ZNF469: variants seen among roughly 807,000 people sequenced by gnomAD.
ZNF469 encodes the protein zinc finger protein 469.
A neutral mutation model predicts 1.0 loss-of-function variants in ZNF469; 1 was observed. The observed-to-expected ratio is 1.00, with a 90% CI of 0.35 to 4.73. The LOEUF (loss-of-function observed/expected upper bound fraction) is 4.73. ZNF469 is among the 30% of genes most tolerant of loss of function. The pLI is 0.16. For synonymous variants in ZNF469, 2,703 were observed against 2,363.4 expected (o/e 1.14, Z -4.17); for missense variants, 6,100 against 5,356.3 (o/e 1.14, Z -4.33).
At chr16:88,136,655 G>A in the ZNF469 span, among the ~76,000 whole-genome samples, 29 of 152,358 alleles carry the variant, frequency 1.9e-4, no homozygotes, top group African/African-American at 7.0e-4. Flanking sequence ...GAGGCCTGGA[G>A]CCTGAACGAT....
chr16:88,256,456 G>A, the ZNF469 span, among the ~76,000 whole-genome samples: 6 of 152,182 alleles, frequency 3.9e-5, no homozygotes, highest in Non-Finnish European at 5.9e-5. Flanking sequence ...TTCACTTATG[G>A]AGGGCTATCT....
the ZNF469 span, among the ~76,000 whole-genome samples, chr16:88,168,766 A>G: frequency 1.3e-5 from 2 of 152,240 alleles, no homozygotes; most frequent in Non-Finnish European, 2.9e-5. The surrounding 1 kb of genome is among the most constrained non-coding windows in gnomAD (Gnocchi z 4.3). Context: ...GGCCTTCTGC[A>G]GAGCAAACTG....
At chr16:88,122,397 C>T in the ZNF469 span, among the ~76,000 whole-genome samples, 332 of 150,394 alleles carry the variant, frequency 2.2e-3, 1 homozygote, top group Non-Finnish European at 3.8e-3. Context: ...GATCACATCC[C>T]GTCACTCACT....
the ZNF469 span, among the ~76,000 whole-genome samples, chr16:88,170,348 T>C: frequency 6.6e-6 from 1 of 152,328 alleles, no homozygotes; most frequent in Non-Finnish European, 1.5e-5. This position sits in a 1 kb window ranked among gnomAD's most constrained non-coding sequence, Gnocchi z 4.2. Context: ...TCGATTATTC[T>C]GAACTAGAGT....
chr16:88,301,197 TG>T, the ZNF469 span, among the ~76,000 whole-genome samples: 1 of 151,410 alleles, frequency 6.6e-6, no homozygotes, highest in Non-Finnish European at 1.5e-5. Context: ...CTCTGTCACC[TG>T]GGCTAGAGTG....
chr16:88,309,867 T>C, the ZNF469 span, among the ~76,000 whole-genome samples: 4 of 152,238 alleles, frequency 2.6e-5, no homozygotes, highest in African/African-American at 9.6e-5. Context: ...GCCACTCTGT[T>C]AAGGCAGAAA....
chr16:88,222,073 G>A, the ZNF469 span, among the ~76,000 whole-genome samples: 4 of 152,158 alleles, frequency 2.6e-5, no homozygotes, highest in East Asian at 5.8e-4. Context: ...TTTCTGAGCT[G>A]AGATCCACAG....
rs1567517948 is a variant in ZNF469, at chr16:88,439,034, G to T, written c.11564G>T (p.Ser3855Ile). The T allele has an allele frequency of 1.9e-6, 3 of 1,550,254 alleles. No individual in the cohort carries two copies. The highest frequency in any genetic ancestry group is 1.4e-5 in the African/African-American group (1 of 73,006). Residue 3855 changes from serine (S) to isoleucine (I), a missense_variant, in exon 3 of 3, where the codon AGC becomes ATC. Physicochemically the swap from Ser to Ile is moderately radical, Grantham distance 142. Transcript: ENST00000565624. ...PRTPRKQATPSRVLPTKPKPN... is the reference protein window; with the variant it reads ...PRTPRKQATPIRVLPTKPKPN... Reference sequence around the variant, plus strand: ...ACCCCTCGGAAGCAGGCAACTCCCAGCCGCGTGCTCCCGACCAAGCCCAAG... The same window carrying T: ...ACCCCTCGGAAGCAGGCAACTCCCATCCGCGTGCTCCCGACCAAGCCCAAG...
At chr16:88,146,574 C>G in the ZNF469 span, among the ~76,000 whole-genome samples, 9 of 152,180 alleles carry the variant, frequency 5.9e-5, no homozygotes, top group Middle Eastern at 3.4e-3. Context: ...GGCCAGGGCC[C>G]AAAGCAGAAG....
chr16:88,239,487 C>G, the ZNF469 span, among the ~76,000 whole-genome samples: 1 of 147,272 alleles, frequency 6.8e-6, no homozygotes, highest in Admixed American at 6.8e-5. Context: ...TCATGATGGT[C>G]TCTCTTTTTT....
chr16:88,257,999 G>A, the ZNF469 span, among the ~76,000 whole-genome samples: 2 of 152,306 alleles, frequency 1.3e-5, no homozygotes, highest in South Asian at 2.1e-4. Flanking sequence ...ATGCTGCAAG[G>A]GCTCTGATGC....
At chr16:88,369,246 C>G in the ZNF469 span, among the ~76,000 whole-genome samples, 1 of 152,196 alleles carries the variant, frequency 6.6e-6, no homozygotes, top group African/African-American at 2.4e-5. Context: ...GGAATAAACC[C>G]CTCCCTCCCA....
chr16:88,313,877 T>C, the ZNF469 span, among the ~76,000 whole-genome samples: 1 of 151,274 alleles, frequency 6.6e-6, no homozygotes, highest in Non-Finnish European at 1.5e-5. Context: ...AGAATATCTC[T>C]GTGATTATGA....
the ZNF469 span, among the ~76,000 whole-genome samples, chr16:88,297,116 G>A: frequency 1.3e-4 from 20 of 152,232 alleles, no homozygotes; most frequent in Admixed American, 1.3e-3. Context: ...GTGTCGCCAC[G>A]CAGGGGCTGC....
chr16:88,272,523 T>G, the ZNF469 span, among the ~76,000 whole-genome samples: 1 of 83,600 alleles, frequency 1.2e-5, no homozygotes, highest in Non-Finnish European at 3.0e-5. Flanking sequence ...GGTGTATGGA[T>G]AGATGAGTGG....
In ZNF469 at chr16:88,437,551, C is replaced by G; in HGVS notation, c.10081C>G (p.Pro3361Ala). Residue 3361 changes from proline (P) to alanine (A), a missense_variant, in exon 3 of 3, where the codon CCG becomes GCG. Coordinates refer to ENST00000565624, the MANE Select transcript of ZNF469 (RefSeq NM_001367624.2). Reference sequence around the variant, plus strand: ...GCAGCGCCACCTGGCGGTGCACAGCCCGCAGCGCGTCTACCTGTGCCCCCG... The same window carrying G: ...GCAGCGCCACCTGGCGGTGCACAGCGCGCAGCGCGTCTACCTGTGCCCCCG... ...KLQRHLAVHSPQRVYLCPRCP... is the reference protein window; with the variant it reads ...KLQRHLAVHSAQRVYLCPRCP... 1 of 1,540,174 alleles carries G rather than the reference C, an allele frequency of 6.5e-7. No homozygotes were observed. Among genetic ancestry groups the G allele is most frequent in the Non-Finnish European group, 8.8e-7 (1 of 1,139,790 alleles).
chr16:88,398,300 C>G (rs562283913), intron 1 of ZNF469, among the ~76,000 whole-genome samples: 1 of 151,920 alleles, frequency 6.6e-6, no homozygotes, highest in Non-Finnish European at 1.5e-5. Context: ...AGATGAAGGG[C>G]GACGTGAGTC....
chr16:88,251,392 AAT>A, the ZNF469 span, among the ~76,000 whole-genome samples: 1 of 152,020 alleles, frequency 6.6e-6, no homozygotes. Context: ...CTACATGTAG[AAT>A]GTAGATGCTA....
the ZNF469 span, among the ~76,000 whole-genome samples, chr16:88,211,140 T>C: frequency 1.3e-5 from 2 of 152,278 alleles, no homozygotes; most frequent in Non-Finnish European, 2.9e-5. Context: ...CATTTATCCC[T>C]AAATGTTTTT....
Sources: gnomAD v4.1 joint callset for allele counts (sites outside exome capture counted in the v4.1 genomes callset) on GRCh38, gnomAD v4.1.1 for gene constraint, Gnocchi (gnomAD v3.1) non-coding constraint, MANE v1.5 for transcripts, NCBI Gene and HGNC (gene_info 2026-07-23, HGNC 2026-07-21) for gene names.